B4GALT1: variants seen among roughly 807,000 people sequenced by gnomAD.
B4GALT1 encodes beta-1,4-galactosyltransferase 1.
B4GALT1 carries 16 observed loss-of-function variants against 34.9 expected under a neutral mutation model. That is an observed-to-expected ratio of 0.46 (90% CI 0.31 to 0.70). B4GALT1 has a LOEUF of 0.70. Among genes scored for constraint, B4GALT1 ranks in the 30% least tolerant of loss-of-function variants. The pLI is 0.05. For synonymous variants in B4GALT1, 221 were observed against 218.1 expected (o/e 1.01, Z -0.12); for missense variants, 445 against 530.5 (o/e 0.84, Z 1.58).
the B4GALT1 span, among the ~76,000 whole-genome samples, chr9:33,175,141 T>C: frequency 6.8e-6 from 1 of 147,860 alleles, no homozygotes; most frequent in Non-Finnish European, 1.5e-5. Flanking sequence ...GCAAGACCCC[T>C]GTCTCTATGA....
At chr9:33,114,752 C>T (rs1839915426) in intron 4 of B4GALT1, among the ~76,000 whole-genome samples, 1 of 152,230 alleles carries the variant, frequency 6.6e-6, no homozygotes, top group Admixed American at 6.5e-5. Flanking sequence ...ACTGGCTGAT[C>T]CCAGACCACT....
intron 1 of B4GALT1, among the ~76,000 whole-genome samples, chr9:33,165,432 G>T (rs1490282266): frequency 6.6e-6 from 1 of 152,014 alleles, no homozygotes; most frequent in African/African-American, 2.4e-5. Context: ...TCATTTTATG[G>T]GACTAGTCTG....
intron 1 of B4GALT1, among the ~76,000 whole-genome samples, chr9:33,146,631 T>C (rs1840429520): frequency 6.6e-6 from 1 of 152,204 alleles, no homozygotes; most frequent in African/African-American, 2.4e-5. Flanking sequence ...CTTAGGCCAT[T>C]TGTTAGAAGA....
At chr9:33,119,708 C>T (rs1398112198) in intron 3 of B4GALT1, among the ~76,000 whole-genome samples, 1 of 152,008 alleles carries the variant, frequency 6.6e-6, no homozygotes, top group Non-Finnish European at 1.5e-5. Flanking sequence ...AGAGCAAGAC[C>T]CTGTCTCAAA....
chr9:33,154,558 G>A (rs1303904662), intron 1 of B4GALT1, among the ~76,000 whole-genome samples: 1 of 152,242 alleles, frequency 6.6e-6, no homozygotes, highest in Non-Finnish European at 1.5e-5. Context: ...TACCATGGTT[G>A]GCATGTAATA....
chr9:33,104,833 T>C, intron 2 of B4GALT1: 1 of 445,516 alleles, frequency 2.2e-6, no homozygotes. Flanking sequence ...TTTTTTTTTT[T>C]TTTTGAGACA....
intron 1 of B4GALT1, among the ~76,000 whole-genome samples, chr9:33,147,360 G>A (rs568508759): frequency 2.7e-5 from 4 of 149,470 alleles, no homozygotes; most frequent in African/African-American, 4.9e-5. Context: ...TGATTCTCCC[G>A]CCTCAGCCTC....
the B4GALT1 span, among the ~76,000 whole-genome samples, chr9:33,180,288 A>G: frequency 1.3e-5 from 2 of 152,114 alleles, no homozygotes; most frequent in African/African-American, 4.8e-5. Context: ...CTACCTGGGC[A>G]TTTAGTAGGG....
At chr9:33,128,079 G>A (rs879289674) in intron 2 of B4GALT1, among the ~76,000 whole-genome samples, 1 of 152,142 alleles carries the variant, frequency 6.6e-6, no homozygotes, top group African/African-American at 2.4e-5. Context: ...AGTGGCAGCG[G>A]TAGTTAGGTC....
intron 3 of B4GALT1, 32 bp from the exon 4 acceptor site, chr9:33,116,145 G>A (rs1285792082): frequency 1.2e-6 from 2 of 1,608,180 alleles, no homozygotes; most frequent in Non-Finnish European, 1.7e-6. Context: ...AGAAGGAGCA[G>A]TGGTTAGTTA....
At chr9:33,166,542 C>T (rs1477892432) in intron 1 of B4GALT1, among the ~76,000 whole-genome samples, 1 of 152,206 alleles carries the variant, frequency 6.6e-6, no homozygotes, top group Non-Finnish European at 1.5e-5. Context: ...CTGTGCGGTC[C>T]CGGCCCCACG....
intron 1 of B4GALT1, among the ~76,000 whole-genome samples, chr9:33,147,245 CTTTTTTTTT>C (rs59219360): frequency 7.3e-6 from 1 of 136,526 alleles, no homozygotes; most frequent in African/African-American, 2.7e-5. Context: ...ACAAGTCATT[CTTTTTTTTT>C]TTTTTTTTTT....
At chr9:33,165,099 A>T (rs1204268124) in intron 1 of B4GALT1, among the ~76,000 whole-genome samples, 1 of 150,552 alleles carries the variant, frequency 6.6e-6, no homozygotes, top group Non-Finnish European at 1.5e-5. Flanking sequence ...CGGCCTCCTG[A>T]GTAGCTGCGA....
chr9:33,181,423 TACACACACACAC>T, the B4GALT1 span, among the ~76,000 whole-genome samples: 8 of 137,148 alleles, frequency 5.8e-5, no homozygotes, highest in Admixed American at 1.5e-4. Flanking sequence ...GACCCTGTCT[TACACACACACAC>T]ACACACACAC....
chr9:33,106,949 G>A (rs1049294121), downstream of B4GALT1, among the ~76,000 whole-genome samples: 1 of 152,092 alleles, frequency 6.6e-6, no homozygotes, highest in African/African-American at 2.4e-5. Context: ...TCCCTGCCTG[G>A]TGACCTGGCA....
chr9:33,182,353 A>T, the B4GALT1 span, among the ~76,000 whole-genome samples: 1 of 152,220 alleles, frequency 6.6e-6, no homozygotes, highest in African/African-American at 2.4e-5. Context: ...AACTAATTGC[A>T]TCTGCAAAGA....
At chr9:33,116,162 GA>G in intron 3 of B4GALT1, 49 bp from the exon 4 acceptor site, 1 of 1,600,610 alleles carries the variant, frequency 6.2e-7, no homozygotes, top group Non-Finnish European at 8.5e-7. Flanking sequence ...GTTAAGTTCT[GA>G]CATCCCCAAA....
intron 2 of B4GALT1, among the ~76,000 whole-genome samples, chr9:33,127,103 T>A (rs919587223): frequency 6.6e-6 from 1 of 152,006 alleles, no homozygotes; most frequent in Non-Finnish European, 1.5e-5. Context: ...CTGGGACTTT[T>A]CAAGTGCCCG....
chr9:33,119,438 C>T (rs540914033), intron 3 of B4GALT1, among the ~76,000 whole-genome samples: 11 of 152,258 alleles, frequency 7.2e-5, no homozygotes, highest in African/African-American at 1.2e-4. Context: ...GGGCCAAGGG[C>T]GGGAGCAGTG....
Sources: gnomAD v4.1 joint callset for allele counts (sites outside exome capture counted in the v4.1 genomes callset) on GRCh38, gnomAD v4.1.1 for gene constraint, MANE v1.5 for transcripts, NCBI Gene and HGNC (gene_info 2026-07-23, HGNC 2026-07-21) for gene names.